Variants in WDR62 observed in about 807,000 individuals in gnomAD.
The protein encoded by WDR62 is WD repeat-containing protein 62.
Under a neutral mutation model 160.6 loss-of-function variants are expected in WDR62, and 112 were observed. The observed-to-expected ratio is 0.70, with a 90% CI of 0.60 to 0.82. The LOEUF (loss-of-function observed/expected upper bound fraction) is 0.82, where lower values mean the gene tolerates loss of function less well. WDR62 is among the 40% of genes least tolerant of loss of function. WDR62 has a pLI of 0.00. For missense variants in WDR62, 1,819 were observed against 1,983.8 expected, an observed-to-expected ratio of 0.92 and a Z score of 1.58; for synonymous variants, 792 against 815.1, an observed-to-expected ratio of 0.97 and a Z score of 0.48.
At chr19:36,067,182 TG>T in intron 5 of WDR62, 123 bp from the exon 6 acceptor site, 1 of 1,346,560 alleles carries the variant, frequency 7.4e-7, no homozygotes, top group Non-Finnish European at 1.0e-6. Flanking sequence ...AGCAGCTCCC[TG>T]GAGGGTCCCA....
At chr19:36,110,164 T>C in the WDR62 span, among the ~76,000 whole-genome samples, 1 of 151,380 alleles carries the variant, frequency 6.6e-6, no homozygotes, top group Non-Finnish European at 1.5e-5. Flanking sequence ...TGGGAGCCCC[T>C]GGCTGTGTCA....
chr19:36,109,485 G>A (rs1285563385), downstream of WDR62, among the ~76,000 whole-genome samples: 2 of 152,186 alleles, frequency 1.3e-5, no homozygotes, highest in Admixed American at 1.3e-4. Flanking sequence ...TGTAATCCCA[G>A]CACTTTGGGA....
chr19:36,068,157 C>G (rs1446807379), intron 7 of WDR62, 147 bp downstream of exon 7: 14 of 1,057,492 alleles, frequency 1.3e-5, no homozygotes, highest in Non-Finnish European at 2.0e-5. Flanking sequence ...GGTTCCACAT[C>G]TGTAAAATGG....
chr19:36,086,435 G>A (rs954209767), intron 12 of WDR62, among the ~76,000 whole-genome samples: 2 of 152,148 alleles, frequency 1.3e-5, no homozygotes, highest in Non-Finnish European at 2.9e-5. Flanking sequence ...CTGGAGGAGC[G>A]TCCATGCGCC....
intron 9 of WDR62, among the ~76,000 whole-genome samples, chr19:36,080,698 G>T (rs1196674159): frequency 6.7e-6 from 1 of 149,962 alleles, no homozygotes; most frequent in African/African-American, 2.5e-5. Context: ...CAGGTGATCC[G>T]CCCACCTCAG....
chr19:36,086,808 C>T lies in WDR62; in HGVS notation c.1764C>T (p.Phe588=), dbSNP rs757137989. The stretch of plus-strand genomic sequence containing the variant: ...CCTCCTCCATCACCGCCATCAAGTT[C>T]GCTGGTGAGCCCCTTTCTTCCCGCT... ...DHSSSITAIK[F]AGNRDIQMIS... Residue 588 remains phenylalanine (F), a synonymous_variant, in exon 13 of 32, where the codon TTC becomes TTT. Coordinates refer to ENST00000401500, the MANE Select transcript of WDR62 (RefSeq NM_001083961.2). 2.5e-5 allele frequency: 41 copies of T among 1,609,292 alleles called. No homozygotes were observed. In the South Asian group the frequency reaches 3.1e-4, roughly 12 times the overall value.
At chr19:36,060,366 C>A in intron 3 of WDR62, 1 of 338,262 alleles carries the variant, frequency 3.0e-6, no homozygotes, top group African/African-American at 2.1e-5. Context: ...TCAGAAGGCT[C>A]AGGGAACGCT....
chr19:36,091,951 G>T (rs892766810), intron 18 of WDR62, among the ~76,000 whole-genome samples: 1 of 151,906 alleles, frequency 6.6e-6, no homozygotes, highest in African/African-American at 2.4e-5. Flanking sequence ...CCTTGAGCAG[G>T]TTATTTCCCC....
chr19:36,099,878 C>A (rs937452854), intron 22 of WDR62, among the ~76,000 whole-genome samples: 1 of 152,136 alleles, frequency 6.6e-6, no homozygotes, highest in Non-Finnish European at 1.5e-5. Flanking sequence ...TTGGGTAGAT[C>A]GAGCCCTGAC....
At position 36,104,568 on chromosome 19, in the gene WDR62, G is replaced by T; in HGVS notation, c.4204G>T (p.Val1402Leu). 6.2e-7 allele frequency: 1 copy of T among 1,613,752 alleles called. No homozygotes were observed. The highest frequency in any genetic ancestry group is 8.5e-7 in the Non-Finnish European group (1 of 1,179,828). The change falls in exon 31 of 32, where the codon GTG (valine) becomes TTG (leucine). Residue 1402 changes from valine to leucine, a missense_variant. Physicochemically the swap from Val to Leu is conservative, Grantham distance 32. This residue lies in a region of WDR62 where 770 missense variants were observed against 734.2 expected (regional missense o/e 1.05). Coordinates refer to ENST00000401500, the MANE Select transcript of WDR62 (RefSeq NM_001083961.2). ...CCCTGCCCGCTGGAGTGAGCCCTGG[G>T]TGCCGGTTGAAGCCCTGCCCCCATC... ...GSPARWSEPW[V>L]PVEALPPSPL...
At position 36,100,746 on chromosome 19, in the gene WDR62, A is replaced by G. The variant is rs1319089742; in HGVS notation, c.2740-2A>G. ...AGAATGGCTGTGCTGTCTTCCCCAT[A>G]GTCAGAGAGTCCCCAGGAAGCTGGC... On this transcript the variant is annotated splice_acceptor_variant, in intron 22 of 31. Coordinates refer to ENST00000401500, the MANE Select transcript of WDR62 (RefSeq NM_001083961.2). LOFTEE classifies it high-confidence loss of function. 2 of 1,613,818 alleles carry G rather than the reference A, an allele frequency of 1.2e-6. No individual in the cohort carries two copies. Among genetic ancestry groups the G allele is most frequent in the African/African-American group, 2.7e-5 (2 of 74,924 alleles).
At chr19:36,084,094 G>T (rs1972062619) in intron 11 of WDR62, among the ~76,000 whole-genome samples, 1 of 152,086 alleles carries the variant, frequency 6.6e-6, no homozygotes, top group Admixed American at 6.5e-5. Flanking sequence ...GCACTGTGTT[G>T]ACTGATTTAA....
At chr19:36,096,432 G>A (rs1032330359) in intron 20 of WDR62, among the ~76,000 whole-genome samples, 12 of 152,078 alleles carry the variant, frequency 7.9e-5, no homozygotes, top group African/African-American at 2.2e-4. Flanking sequence ...CCGGCTGGGC[G>A]CAGTGGCTCA....
At chr19:36,078,851 C>G (rs1323553935) in intron 9 of WDR62, among the ~76,000 whole-genome samples, 1 of 135,946 alleles carries the variant, frequency 7.4e-6, no homozygotes, top group Non-Finnish European at 1.6e-5. Context: ...AAAAAAAAAA[C>G]AAAGTAAGTT....
At chr19:36,097,006 A>G (rs1393610185) in intron 20 of WDR62, 21 bp from the exon 21 acceptor site, 2 of 1,606,176 alleles carry the variant, frequency 1.2e-6, no homozygotes. Flanking sequence ...TCCTCTTTTC[A>G]TGGATTCTGT....
At chr19:36,065,838 G>C (rs895536435) in intron 3 of WDR62, 120 bp from the exon 4 acceptor site, 4 of 959,480 alleles carry the variant, frequency 4.2e-6, no homozygotes, top group Non-Finnish European at 5.1e-6. Context: ...GCTCACCTCT[G>C]CTGGCCTCTT....
At chr19:36,086,540 C>A in intron 12 of WDR62, 147 bp from the exon 13 acceptor site, 1 of 993,376 alleles carries the variant, frequency 1.0e-6, no homozygotes, top group Non-Finnish European at 1.5e-6. Context: ...AGGGAGTGGC[C>A]CTTGCCAGGC....
chr19:36,077,760 G>A (rs1211295069), intron 9 of WDR62, among the ~76,000 whole-genome samples: 2 of 151,214 alleles, frequency 1.3e-5, no homozygotes, highest in East Asian at 3.9e-4. Flanking sequence ...CATGCCTGAT[G>A]AATTTTTTGT....
chr19:36,105,162 GGGGAGGGA>G (rs1973680035), downstream of WDR62: 24 of 1,178,100 alleles, frequency 2.0e-5, no homozygotes, highest in South Asian at 3.3e-4. Context: ...AAGTGGAAGT[GGGGAGGGA>G]GGGTAGAAGG....
Sources: gnomAD v4.1 joint callset for allele counts (sites outside exome capture counted in the v4.1 genomes callset) on GRCh38, gnomAD v4.1.1 for gene constraint, gnomAD v4.1.1 regional missense constraint, MANE v1.5 for transcripts, NCBI Gene and HGNC (gene_info 2026-07-23, HGNC 2026-07-21) for gene names.